Variants in GALNT2 observed in about 807,000 individuals in gnomAD.
GALNT2 encodes polypeptide N-acetylgalactosaminyltransferase 2.
GALNT2 carries 31 observed loss-of-function variants against 81.4 expected under a neutral mutation model. The observed-to-expected ratio is 0.38, with a 90% CI of 0.29 to 0.51. The LOEUF (loss-of-function observed/expected upper bound fraction) is 0.51, where lower values mean the gene tolerates loss of function less well. Among genes scored for constraint, GALNT2 ranks in the 20% least tolerant of loss-of-function variants. The pLI, the probability that GALNT2 is intolerant of heterozygous loss-of-function variation, is 0.87. For synonymous variants in GALNT2, 303 were observed against 287.4 expected (o/e 1.05, Z -0.55); for missense variants, 629 against 765.7 (o/e 0.82, Z 2.11).
rs1027958131 is a variant in GALNT2, at chr1:230,262,664, A to C, written c.1228A>C (p.Asn410His). ...VPSARNVPYG[N>H]IQSRLELRKK... ...TTCTGCTAGAAACGTTCCTTATGGAAAGTAAGTGGCAGTTCTGCCTTCTCA... is the reference window on the plus strand; with the variant it reads ...TTCTGCTAGAAACGTTCCTTATGGACAGTAAGTGGCAGTTCTGCCTTCTCA... The change falls in exon 12 of 16, where the codon AAT becomes CAT. Residue 410 changes from asparagine (N) to histidine (H), a missense_variant and splice_region_variant. Coordinates refer to ENST00000366672, the MANE Select transcript of GALNT2 (RefSeq NM_004481.5). 1.2e-6 allele frequency: 2 copies of C among 1,609,328 alleles called. No homozygotes were observed. Among genetic ancestry groups the C allele is most frequent in the Non-Finnish European group, 8.5e-7 (1 of 1,175,760 alleles).
chr1:230,222,994 C>A (rs1200075429), intron 3 of GALNT2, among the ~76,000 whole-genome samples: 1 of 152,062 alleles, frequency 6.6e-6, no homozygotes, highest in Non-Finnish European at 1.5e-5. Context: ...TACTCATTTC[C>A]AAATTCAAAT....
intron 1 of GALNT2, among the ~76,000 whole-genome samples, chr1:230,153,166 C>T (rs966046763): frequency 2.6e-5 from 4 of 152,146 alleles, no homozygotes; most frequent in African/African-American, 9.7e-5. Flanking sequence ...TGTGCTCAAG[C>T]GATCTTCTTA....
At position 230,088,485 on chromosome 1, in the gene GALNT2, T is replaced by C. The variant is rs1266140438; in HGVS notation, c.126+21079T>C. On this transcript the variant is annotated intron_variant, in intron 1 of 15. Transcript: ENST00000366672. The stretch of plus-strand genomic sequence containing the variant: ...TAACATAAAATTAGCCATTGTAAAG[T>C]ATACAGTTCAGTGACATTTACTACA... 3.9e-5 allele frequency among the ~76,000 whole-genome samples: 6 copies of C among 152,112 alleles called. No homozygotes were observed. The East Asian group carries it at 1.2e-3, about 29-fold the overall frequency.
In GALNT2 at chr1:230,159,602, A is replaced by G. The variant is rs369629685; in HGVS notation, c.127-18616A>G. ...GGTCCACACTGAGCCTACATGGGGT[A>G]GGGGGAAACCGTGAAGTGTGCAGTG... is the stretch of plus-strand genomic sequence containing the variant. On this transcript the variant is annotated intron_variant, in intron 1 of 15. Coordinates refer to ENST00000366672, the MANE Select transcript of GALNT2 (RefSeq NM_004481.5). Among the ~76,000 whole-genome samples, 7 of 152,276 alleles carry G rather than the reference A, an allele frequency of 4.6e-5. No homozygotes were observed. The East Asian group carries it at 1.2e-3, about 25-fold the overall frequency.
At position 230,127,375 on chromosome 1, in the gene GALNT2, A is replaced by G. The variant is rs150686819; in HGVS notation, c.127-50843A>G. 5.3e-4 allele frequency among the ~76,000 whole-genome samples: 81 copies of G among 152,156 alleles called. 1 individual carries two copies. Among genetic ancestry groups the G allele is most frequent in the Middle Eastern group, 3.4e-3 (1 of 294 alleles). On this transcript the variant is annotated intron_variant, in intron 1 of 15. Coordinates refer to ENST00000366672, the MANE Select transcript of GALNT2 (RefSeq NM_004481.5). ...AGTGTAGTTTGATTTCAAATTCATT[A>G]TGAATAGATTTTTTTTTTTGAGTTG...
At chr1:230,160,138 T>G (rs1662386641) in intron 1 of GALNT2, among the ~76,000 whole-genome samples, 1 of 152,230 alleles carries the variant, frequency 6.6e-6, no homozygotes, top group African/African-American at 2.4e-5. Flanking sequence ...CATGAAGTGC[T>G]TCTCCAACCC....
intron 1 of GALNT2, among the ~76,000 whole-genome samples, chr1:230,119,347 A>G (rs952995905): frequency 9.2e-5 from 14 of 152,184 alleles, no homozygotes; most frequent in Non-Finnish European, 1.6e-4. Flanking sequence ...GTAGTTTTCC[A>G]TGTTCCTCCG....
At chr1:230,184,202 T>G (rs1015300999) in intron 2 of GALNT2, among the ~76,000 whole-genome samples, 7 of 151,704 alleles carry the variant, frequency 4.6e-5, no homozygotes, top group African/African-American at 1.5e-4. Flanking sequence ...TTTTTTTTTT[T>G]TTTTGCGACA....
intron 1 of GALNT2, among the ~76,000 whole-genome samples, chr1:230,176,795 T>C (rs1367879849): frequency 6.6e-6 from 1 of 152,222 alleles, no homozygotes; most frequent in African/African-American, 2.4e-5. Flanking sequence ...ATTATTTAAA[T>C]TGGGATACAG....
chr1:230,227,698 G>C (rs1175439681), intron 3 of GALNT2, among the ~76,000 whole-genome samples: 2 of 152,118 alleles, frequency 1.3e-5, no homozygotes, highest in African/African-American at 4.8e-5. Flanking sequence ...AGGAGGGAAA[G>C]CAGTGAAATT....
chr1:230,227,590 G>A (rs35581949), intron 3 of GALNT2, among the ~76,000 whole-genome samples: 85,737 of 150,742 alleles, frequency 0.57, 27,044 homozygotes, highest in East Asian at 0.89. Flanking sequence ...AGAAGAGTTT[G>A]TTTTAGGAAT....
intron 1 of GALNT2, among the ~76,000 whole-genome samples, chr1:230,153,207 G>C (rs1402452769): frequency 6.6e-6 from 1 of 152,144 alleles, no homozygotes; most frequent in African/African-American, 2.4e-5. Flanking sequence ...GAGACTATAG[G>C]CCTGAGCCAC....
At chr1:230,119,698 A>G (rs1660956140) in intron 1 of GALNT2, among the ~76,000 whole-genome samples, 1 of 152,152 alleles carries the variant, frequency 6.6e-6, no homozygotes, top group Non-Finnish European at 1.5e-5. Flanking sequence ...GATAACACCC[A>G]TGTCAGTTTC....
intron 1 of GALNT2, among the ~76,000 whole-genome samples, chr1:230,145,465 A>G (rs1661886283): frequency 6.6e-6 from 1 of 152,232 alleles, no homozygotes; most frequent in Middle Eastern, 3.4e-3. Flanking sequence ...CCAGTCCCCC[A>G]TTTCCCTCTG....
At chr1:230,073,424 G>T (rs1659434665) in intron 1 of GALNT2, among the ~76,000 whole-genome samples, 1 of 152,168 alleles carries the variant, frequency 6.6e-6, no homozygotes, top group East Asian at 1.9e-4. Context: ...ACCTTTCTAG[G>T]GTTCCCTGCT....
chr1:230,256,452 A>G (rs1018869691), intron 11 of GALNT2, among the ~76,000 whole-genome samples: 3 of 152,076 alleles, frequency 2.0e-5, no homozygotes, highest in African/African-American at 4.8e-5. Context: ...TCTCAAAAAA[A>G]AAAAAAAAAG....
intron 1 of GALNT2, among the ~76,000 whole-genome samples, chr1:230,167,680 C>G (rs1254870583): frequency 6.6e-6 from 1 of 152,160 alleles, no homozygotes; most frequent in Non-Finnish European, 1.5e-5. Flanking sequence ...AACTGCCGAG[C>G]GTGGAGGAGC....
At chr1:230,084,650 G>A (rs1268534941) in intron 1 of GALNT2, among the ~76,000 whole-genome samples, 1 of 152,060 alleles carries the variant, frequency 6.6e-6, no homozygotes, top group African/African-American at 2.4e-5. Context: ...CTGCCACATG[G>A]GGGACCATGC....
intron 3 of GALNT2, among the ~76,000 whole-genome samples, chr1:230,212,085 C>T (rs1664250786): frequency 6.6e-6 from 1 of 152,182 alleles, no homozygotes; most frequent in South Asian, 2.1e-4. Context: ...AGGGATTTTA[C>T]AGTTACTAAG....
Sources: allele counts gnomAD v4.1 joint callset (sites outside exome capture counted in the v4.1 genomes callset), GRCh38; gene constraint gnomAD v4.1.1; transcripts MANE v1.5; gene names NCBI Gene and HGNC (gene_info 2026-07-23, HGNC 2026-07-21).